The following PRX variants were observed in gnomAD, a reference collection of about 807,000 sequenced individuals.
PRX encodes the protein periaxin.
A neutral mutation model predicts 29.6 loss-of-function variants in PRX; 24 were observed. That is an observed-to-expected ratio of 0.81 (90% confidence interval 0.59 to 1.14). PRX has a LOEUF of 1.14. Among genes scored for constraint, PRX ranks in the 50% most tolerant of loss-of-function variants. The probability of loss-of-function intolerance (pLI) is 0.00; values close to 1 mark genes in which losing one functional copy is unlikely to be tolerated. For synonymous variants in PRX, 772 were observed against 831.7 expected, an observed-to-expected ratio of 0.93 and a Z score of 1.24; for missense variants, 1,838 against 1,926.4, an observed-to-expected ratio of 0.95 and a Z score of 0.86.
Position 40,395,883 on chromosome 19 carries a change from C to T in PRX, c.2469G>A (p.Ala823=), listed in dbSNP as rs61733450. The part of the protein sequence containing the change: ...ESPSRGKPGE[A]GAEVSGKLVT... Reference sequence around the variant, plus strand: ...CCAGCTTCCCTGAGACCTCAGCACCCGCCTCGCCTGGCTTGCCACGTGATG... The same window carrying T: ...CCAGCTTCCCTGAGACCTCAGCACCTGCCTCGCCTGGCTTGCCACGTGATG... The change falls in exon 7 of 7, where the codon GCG becomes GCA. Residue 823 remains alanine, a synonymous_variant. Coordinates refer to ENST00000324001, the MANE Select transcript of PRX (RefSeq NM_181882.3). The T allele has an allele frequency of 1.2e-3, 1,983 of 1,614,198 alleles. 15 individuals carry two copies. The African/African-American group carries it at 0.021, about 17-fold the overall frequency.
chr19:40,407,656 A>T (rs1175158020), intron 4 of PRX: 1 of 606,948 alleles, frequency 1.6e-6, no homozygotes, highest in East Asian at 2.8e-5. Flanking sequence ...CTCCTTATTA[A>T]TTTAGCTCCT....
intron 5 of PRX, among the ~76,000 whole-genome samples, chr19:40,403,208 C>T (rs1005482162): frequency 1.3e-5 from 2 of 152,134 alleles, no homozygotes; most frequent in South Asian, 2.1e-4. Context: ...ATAGAAGGCA[C>T]TAATAAATAG....
rs778017594 is a variant in PRX, at chr19:40,394,666, C to T, written c.3686G>A (p.Arg1229Gln). Residue 1229 changes from arginine to glutamine, a missense_variant, in exon 7 of 7, where the codon CGA (arginine) becomes CAA (glutamine). Physicochemically the swap from Arg to Gln is conservative, Grantham distance 43. Coordinates refer to ENST00000324001, the MANE Select transcript of PRX (RefSeq NM_181882.3). This position sits in a 1 kb window ranked among gnomAD's most constrained non-coding sequence, Gnocchi z 5.8. ...GGCCGCCTCGCCCGCCTGTGCCTCT[C>T]GGCTTAGCCCCACGTCCAGCTCAAG... The part of the protein sequence containing the change: ...PQLELDVGLS[R>Q]EAQAGEAATG... The T allele has an allele frequency of 2.3e-5, 37 of 1,608,948 alleles. No individual in the cohort carries two copies. The highest frequency in any genetic ancestry group is 5.5e-5 in the South Asian group (5 of 91,066).
At position 40,395,706 on chromosome 19, in the gene PRX, C is replaced by T. The variant is rs773084101; in HGVS notation, c.2646G>A (p.Val882=). Residue 882 remains valine (V), a synonymous_variant, in exon 7 of 7, where the codon GTG becomes GTA. Transcript: ENST00000324001. ...CCCCTGCTGCCACCTCAGGGCCCTC[C>T]ACCCGCTCTCCCTTGCCCATTTTAG... is the stretch of plus-strand genomic sequence containing the variant. The part of the protein sequence containing the change: ...PAAKMGKGER[V]EGPEVAAGVR... 1.1e-5 allele frequency: 17 copies of T among 1,613,962 alleles called. No homozygotes were observed. The highest frequency in any genetic ancestry group is 3.3e-5 in the South Asian group (3 of 91,086).
Position 40,400,502 on chromosome 19 carries a change from G to A in PRX, c.185-1686C>T, listed in dbSNP as rs2079486606. Among the ~76,000 whole-genome samples the A allele has an allele frequency of 9.0e-5, 13 of 144,282 alleles. 1 individual carries two copies. In the South Asian group the frequency reaches 2.9e-3, roughly 32 times the overall value. 94.7% of individuals were successfully genotyped at this position (144,282 alleles called of 152,430 possible). ...AGCTACTAGGGAGGCCGAGGCAGGA[G>A]AATCACTTGAACCCGGGAGGCGGAG... On this transcript the variant is annotated intron_variant, in intron 5 of 6. Coordinates refer to ENST00000324001, the MANE Select transcript of PRX (RefSeq NM_181882.3).
At chr19:40,399,875 C>CTT (rs961206013) in intron 5 of PRX, among the ~76,000 whole-genome samples, 4 of 71,684 alleles carry the variant, frequency 5.6e-5, no homozygotes, top group Admixed American at 1.3e-4. Context: ...TTCTTTCTTT[C>CTT]TTTCTTTCTT....
intron 1 of PRX, among the ~76,000 whole-genome samples, chr19:40,410,220 G>A (rs187773196): frequency 1.9e-4 from 29 of 152,148 alleles, no homozygotes; most frequent in Admixed American, 1.1e-3. Context: ...CCCAACCCCC[G>A]ACTCTGGGCT....
intron 4 of PRX, among the ~76,000 whole-genome samples, chr19:40,404,566 CTTA>C (rs953310878): frequency 1.3e-5 from 2 of 151,400 alleles, no homozygotes; most frequent in Non-Finnish European, 2.9e-5. Flanking sequence ...GGCGGAGACC[CTTA>C]TTATTTTTTT....
intron 5 of PRX, among the ~76,000 whole-genome samples, chr19:40,402,597 T>A (rs1468383006): frequency 1.3e-5 from 2 of 148,246 alleles, no homozygotes; most frequent in Non-Finnish European, 3.0e-5. Flanking sequence ...CGGTGAAACC[T>A]CGTCTCTACT....
At chr19:40,410,303 G>A (rs1266632718) in intron 1 of PRX, among the ~76,000 whole-genome samples, 5 of 152,256 alleles carry the variant, frequency 3.3e-5, no homozygotes, top group African/African-American at 9.6e-5. Context: ...GGCCTCACGC[G>A]GCACATTCCC....
chr19:40,397,594 G>C lies in PRX; in HGVS notation c.758C>G (p.Ala253Gly), dbSNP rs1237469942. 6.5e-7 allele frequency: 1 copy of C among 1,541,688 alleles called. No individual in the cohort carries two copies. The highest frequency in any genetic ancestry group is 1.4e-5 in the African/African-American group (1 of 73,386). Reference protein sequence around the residue: ...GAEVGVPQVSAPKAAPSAEAA... With the variant: ...GAEVGVPQVSGPKAAPSAEAA... ...CTCTGCTGAGGGGGCAGCCTTGGGG[G>C]CTGAGACCTGGGGGACACCCACCTC... The change falls in exon 7 of 7, where the codon GCC becomes GGC. Residue 253 changes from alanine to glycine, a missense_variant. Coordinates refer to ENST00000324001, the MANE Select transcript of PRX (RefSeq NM_181882.3).
Position 40,395,099 on chromosome 19 carries a change from C to T in PRX, c.3253G>A (p.Glu1085Lys), listed in dbSNP as rs1170554069. The change falls in exon 7 of 7, where the codon GAA becomes AAA. Residue 1085 changes from glutamate to lysine, a missense_variant. Glu to Lys is a moderately conservative substitution (Grantham distance 56). Transcript: ENST00000324001. Reference protein sequence around the residue: ...EVQGDRASPGEKAESTAVQLK... With the variant: ...EVQGDRASPGKKAESTAVQLK... The stretch of plus-strand genomic sequence containing the variant: ...TGCACAGCGGTGGACTCAGCCTTTT[C>T]CCCCGGGCTGGCACGATCACCTTGA... 6.2e-7 allele frequency: 1 copy of T among 1,613,774 alleles called. No homozygotes were observed. The highest frequency in any genetic ancestry group is 1.1e-5 in the South Asian group (1 of 91,078).
At position 40,408,265 on chromosome 19, in the gene PRX, GA is replaced by G. The variant is rs2145746265; in HGVS notation, c.-198-10del. 2.0e-6 allele frequency: 1 copy of G among 502,692 alleles called. No individual in the cohort carries two copies. The highest frequency in any genetic ancestry group is 3.6e-6 in the Non-Finnish European group (1 of 274,762). 31.1% of individuals were successfully genotyped at this position (502,692 alleles called of 1,614,324 possible). A position where few individuals can be genotyped will look rare whatever the true frequency, so the allele number is the denominator to read the frequency against. ...CGTGGGGTTCTTGCTGCCTGCCAGG[GA>G]AAGGCCAGGATGTGAAGCTCCAGGC... On this transcript the variant is annotated splice_polypyrimidine_tract_variant and intron_variant, in intron 2 of 6. Coordinates refer to ENST00000324001, the MANE Select transcript of PRX (RefSeq NM_181882.3).
chr19:40,398,734 A>G lies in PRX; in HGVS notation c.267T>C (p.Pro89=). The G allele has an allele frequency of 6.2e-7, 1 of 1,614,112 alleles. No homozygotes were observed. Among genetic ancestry groups the G allele is most frequent in the Non-Finnish European group, 8.5e-7 (1 of 1,179,978 alleles). ...DALRLLQCAE[P]YKVSFCLKRT... ...GCTTCAGGCAGAAGGAGACTTTGTAAGGCTCGGCGCATTGCAGCAGGCGTA... is the reference window on the plus strand; with the variant it reads ...GCTTCAGGCAGAAGGAGACTTTGTAGGGCTCGGCGCATTGCAGCAGGCGTA... Residue 89 remains proline, a synonymous_variant, in exon 6 of 7, where the codon CCT becomes CCC. Coordinates refer to ENST00000324001, the MANE Select transcript of PRX (RefSeq NM_181882.3). The surrounding 1 kb of genome is among the most constrained non-coding windows in gnomAD (Gnocchi z 6.3).
At position 40,395,748 on chromosome 19, in the gene PRX, C is replaced by T; in HGVS notation, c.2604G>A (p.Gln868=). ...CCATTTTAGCGGCTGGGACCTGCCC[C>T]TGCAGGCCAAGTGCTCCTGGCAGGT... is the stretch of plus-strand genomic sequence containing the variant. ...ELDLPGALGL[Q]GQVPAAKMGK... Residue 868 remains glutamine, a synonymous_variant, in exon 7 of 7, where the codon CAG becomes CAA. Transcript: ENST00000324001. 1 of 1,614,058 alleles carries T rather than the reference C, an allele frequency of 6.2e-7. No individual in the cohort carries two copies. The highest frequency in any genetic ancestry group is 8.5e-7 in the Non-Finnish European group (1 of 1,179,994).
chr19:40,412,179 G>A lies in PRX; in HGVS notation c.-243+1159C>T, dbSNP rs768965172. On this transcript the variant is annotated intron_variant, in intron 1 of 6. Transcript: ENST00000324001. ...CTGCTCAGAGCCTCAGCTTTCCCCCGCCACCAGCGTGATCTCTCATAGCAA... is the reference window on the plus strand; with the variant it reads ...CTGCTCAGAGCCTCAGCTTTCCCCCACCACCAGCGTGATCTCTCATAGCAA... Among the ~76,000 whole-genome samples, 72 of 152,106 alleles carry A rather than the reference G, an allele frequency of 4.7e-4. 1 individual carries two copies. Among genetic ancestry groups the A allele is most frequent in the Admixed American group, 1.2e-3 (19 of 15,260 alleles).
rs1191054190 is a variant in PRX, at chr19:40,397,245, T to G, written c.1107A>C (p.Ala369=). Reference sequence around the variant, plus strand: ...CTACCTTGGCCTCAGCAACTTCCTTTGCTCGAGCCCCAAATCGGGGAAAAC... The same window carrying G: ...CTACCTTGGCCTCAGCAACTTCCTTGGCTCGAGCCCCAAATCGGGGAAAAC... The part of the protein sequence containing the change: ...RLSFPRFGAR[A]KEVAEAKVAK... Residue 369 remains alanine, a synonymous_variant, in exon 7 of 7, where the codon GCA becomes GCC. Transcript: ENST00000324001. 43 of 1,613,724 alleles carry G rather than the reference T, an allele frequency of 2.7e-5. No individual in the cohort carries two copies. Among genetic ancestry groups the G allele is most frequent in the Non-Finnish European group, 3.6e-5 (42 of 1,180,038 alleles).
intron 5 of PRX, among the ~76,000 whole-genome samples, chr19:40,401,904 C>A (rs2079496936): frequency 6.6e-6 from 1 of 152,066 alleles, no homozygotes; most frequent in East Asian, 1.9e-4. Flanking sequence ...TAGGCGCCTA[C>A]CACCACACCC....
At chr19:40,401,246 T>A (rs889717462) in intron 5 of PRX, among the ~76,000 whole-genome samples, 1 of 152,202 alleles carries the variant, frequency 6.6e-6, no homozygotes, top group African/African-American at 2.4e-5. Context: ...GCCAGTTTGT[T>A]GATCTCCCTG....
Sources: allele counts gnomAD v4.1 joint callset (sites outside exome capture counted in the v4.1 genomes callset), GRCh38; gene constraint gnomAD v4.1.1; non-coding constraint Gnocchi (gnomAD v3.1); transcripts MANE v1.5; gene names NCBI Gene and HGNC (gene_info 2026-07-23, HGNC 2026-07-21).